The following BEAN1 variants were observed in gnomAD, a reference collection of about 807,000 sequenced individuals.
BEAN1 encodes brain expressed associated with NEDD4 1, also known as protein BEAN1.
BEAN1 carries 17 observed loss-of-function variants against 17.7 expected under a neutral mutation model. That is an observed-to-expected ratio of 0.96 (90% CI 0.66 to 1.44). The LOEUF (loss-of-function observed/expected upper bound fraction) is 1.44. BEAN1 is among the 40% of genes most tolerant of loss of function. The pLI is 0.00. For synonymous variants in BEAN1, 142 were observed against 151.8 expected, an observed-to-expected ratio of 0.94 and a Z score of 0.47; for missense variants, 359 against 374.1, an observed-to-expected ratio of 0.96 and a Z score of 0.33.
In BEAN1 at chr16:66,434,108, T is replaced by C. The variant is rs1045232042; in HGVS notation, c.-82-3487T>C. Among the ~76,000 whole-genome samples the C allele has an allele frequency of 2.8e-4, 42 of 152,270 alleles. No individual in the cohort carries two copies. Among genetic ancestry groups the C allele is most frequent in the Middle Eastern group, 3.4e-3 (1 of 294 alleles). ...CCCAGCCAGACAATCCAGTAGGAGA[T>C]GAGTCACTGGCAGGAGCGAGCCTCG... is the stretch of plus-strand genomic sequence containing the variant. On this transcript the variant is annotated intron_variant, in intron 1 of 4. Coordinates refer to ENST00000536005, the MANE Select transcript of BEAN1 (RefSeq NM_001178020.3). This position sits in a 1 kb window ranked among gnomAD's most constrained non-coding sequence, Gnocchi z 4.3.
chr16:66,430,567 G>A (rs1170063728), intron 1 of BEAN1, among the ~76,000 whole-genome samples: 1 of 152,166 alleles, frequency 6.6e-6, no homozygotes, highest in African/African-American at 2.4e-5. Context: ...TTTTATGTCT[G>A]AGAACTGAAA....
intron 2 of BEAN1, among the ~76,000 whole-genome samples, chr16:66,468,257 A>G (rs76068243): frequency 1.5e-3 from 226 of 152,326 alleles, no homozygotes; most frequent in African/African-American, 5.2e-3. Context: ...CCCATTGTTG[A>G]GTTTGAGGAC....
downstream of BEAN1, chr16:66,485,116 G>A (rs1964070064): frequency 4.4e-6 from 2 of 454,014 alleles, no homozygotes; most frequent in South Asian, 3.1e-5. Context: ...GGTTGATACA[G>A]AGTAAGGCTG....
At chr16:66,472,709 A>G (rs539229857) in intron 3 of BEAN1, among the ~76,000 whole-genome samples, 1 of 152,184 alleles carries the variant, frequency 6.6e-6, no homozygotes, top group Admixed American at 6.5e-5. Flanking sequence ...GTCTCAAAAA[A>G]TAAAAAGTAA....
intron 2 of BEAN1, among the ~76,000 whole-genome samples, chr16:66,462,707 G>A (rs756361669): frequency 1.4e-4 from 21 of 152,166 alleles, no homozygotes; most frequent in South Asian, 1.0e-3. Context: ...AGGCTGAGGC[G>A]GGAGAATTGC....
chr16:66,494,670 A>C (rs1420962240), downstream of BEAN1, among the ~76,000 whole-genome samples: 1 of 152,144 alleles, frequency 6.6e-6, no homozygotes, highest in Non-Finnish European at 1.5e-5. Context: ...CCCTTAATCC[A>C]TCTAGGATCC....
chr16:66,486,424 T>G (rs1323079284), downstream of BEAN1, among the ~76,000 whole-genome samples: 1 of 152,084 alleles, frequency 6.6e-6, no homozygotes, highest in African/African-American at 2.4e-5. Flanking sequence ...CAGCTAAATT[T>G]TTGTATTTTT....
intron 2 of BEAN1, among the ~76,000 whole-genome samples, chr16:66,440,204 A>G (rs1450813748): frequency 7.5e-6 from 1 of 134,006 alleles, no homozygotes; most frequent in African/African-American, 2.9e-5. Context: ...ATCTCAGCTC[A>G]CTGCAGGCTC....
intron 2 of BEAN1, among the ~76,000 whole-genome samples, chr16:66,466,165 C>T (rs1000362565): frequency 1.3e-5 from 2 of 152,152 alleles, no homozygotes; most frequent in Non-Finnish European, 2.9e-5. Context: ...CGTGGTGGCT[C>T]ACACCTATGG....
chr16:66,478,329 C>A (rs374478376), intron 4 of BEAN1, among the ~76,000 whole-genome samples: 1 of 152,214 alleles, frequency 6.6e-6, no homozygotes, highest in East Asian at 1.9e-4. Context: ...CCCAGCCGGG[C>A]GTGGGGGCTC....
chr16:66,472,506 C>CCAG (rs377501484), intron 3 of BEAN1, among the ~76,000 whole-genome samples: 3 of 152,284 alleles, frequency 2.0e-5, no homozygotes, highest in African/African-American at 7.2e-5. Context: ...GAGTTCAAGA[C>CCAG]CAGCCTGGCC....
intron 1 of BEAN1, among the ~76,000 whole-genome samples, chr16:66,430,901 T>G (rs565988553): frequency 6.6e-6 from 1 of 152,252 alleles, no homozygotes; most frequent in African/African-American, 2.4e-5. Context: ...TTTACAAACA[T>G]ATGGTCTATT....
At chr16:66,456,405 C>T (rs962946102) in intron 2 of BEAN1, among the ~76,000 whole-genome samples, 4 of 152,154 alleles carry the variant, frequency 2.6e-5, no homozygotes, top group African/African-American at 9.7e-5. Flanking sequence ...AGCCAGCCCC[C>T]CAGAATCTGC....
Position 66,470,024 on chromosome 16 carries a change from C to T in BEAN1, c.289+159C>T, listed in dbSNP as rs377631225. ...GTCAGGAAGAGCTCACAGGCGCCCA[C>T]CATAATGTTCTCGGTGACATGAGAG... On this transcript the variant is annotated intron_variant, in intron 3 of 4. Coordinates refer to ENST00000536005, the MANE Select transcript of BEAN1 (RefSeq NM_001178020.3). The T allele has an allele frequency of 3.5e-5, 36 of 1,014,876 alleles. 1 individual carries two copies. The highest frequency in any genetic ancestry group is 3.2e-4 in the Middle Eastern group (1 of 3,122). The allele number at this position is 1,014,876 out of a possible 1,614,324, so 62.9% of individuals were successfully genotyped here.
chr16:66,449,151 T>C (rs1962571142), intron 2 of BEAN1, among the ~76,000 whole-genome samples: 1 of 152,208 alleles, frequency 6.6e-6, no homozygotes, highest in Non-Finnish European at 1.5e-5. Context: ...TTGAATTTTA[T>C]ATATATGGAG....
chr16:66,454,729 CTTTTTTTTT>C (rs538469751), intron 2 of BEAN1, among the ~76,000 whole-genome samples: 7 of 83,680 alleles, frequency 8.4e-5, no homozygotes, highest in Admixed American at 7.5e-4. Context: ...TTCTTTCTTT[CTTTTTTTTT>C]TTTTTTTTTT....
downstream of BEAN1, chr16:66,484,639 G>A (rs1360219045): frequency 4.4e-6 from 2 of 454,148 alleles, no homozygotes; most frequent in East Asian, 1.4e-4. This position sits in a 1 kb window ranked among gnomAD's most constrained non-coding sequence, Gnocchi z 4.2. Flanking sequence ...GTGGGTGAGA[G>A]TTTGGTTAGG....
rs1336712356 is a variant in BEAN1, at chr16:66,434,817, G to A, written c.-82-2778G>A. Among the ~76,000 whole-genome samples the A allele has an allele frequency of 2.0e-5, 3 of 152,138 alleles. No homozygotes were observed. Among genetic ancestry groups the A allele is most frequent in the Admixed American group, 6.6e-5 (1 of 15,266 alleles). On this transcript the variant is annotated intron_variant, in intron 1 of 4. Transcript: ENST00000536005. The surrounding 1 kb of genome is among the most constrained non-coding windows in gnomAD (Gnocchi z 4.3). Reference sequence around the variant, plus strand: ...GGCAGCCTCCACCCCTCAGTCGTGCGCTTGCATCAGGCTGAGGTTGGCTTG... The same window carrying A: ...GGCAGCCTCCACCCCTCAGTCGTGCACTTGCATCAGGCTGAGGTTGGCTTG...
chr16:66,440,388 C>T (rs1962210168), intron 2 of BEAN1, among the ~76,000 whole-genome samples: 1 of 152,174 alleles, frequency 6.6e-6, no homozygotes, highest in Non-Finnish European at 1.5e-5. Context: ...GCGTTGGCCT[C>T]CCAAAGAGCT....
Sources: gnomAD v4.1 joint callset for allele counts (sites outside exome capture counted in the v4.1 genomes callset) on GRCh38, gnomAD v4.1.1 for gene constraint, Gnocchi (gnomAD v3.1) non-coding constraint, MANE v1.5 for transcripts, NCBI Gene and HGNC (gene_info 2026-07-23, HGNC 2026-07-21) for gene names.